The following PTPN9 variants were observed in gnomAD, a reference collection of about 807,000 sequenced individuals.
PTPN9 encodes tyrosine-protein phosphatase non-receptor type 9.
PTPN9 carries 26 observed loss-of-function variants against 69.8 expected under a neutral mutation model. The observed-to-expected ratio is 0.37, with a 90% CI of 0.27 to 0.52. The LOEUF (loss-of-function observed/expected upper bound fraction) is 0.52. Ranked by LOEUF, PTPN9 falls within the 20% of genes least tolerant of loss-of-function variation. The probability of loss-of-function intolerance (pLI) is 0.91; values close to 1 mark genes in which losing one functional copy is unlikely to be tolerated. For synonymous variants in PTPN9, 274 were observed against 272.5 expected (o/e 1.01, Z -0.05); for missense variants, 549 against 740.3 (o/e 0.74, Z 3.00).
At chr15:75,507,121 T>G (rs1263863290) in intron 6 of PTPN9, among the ~76,000 whole-genome samples, 1 of 152,220 alleles carries the variant, frequency 6.6e-6, no homozygotes, top group East Asian at 1.9e-4. Context: ...AGAACTTGCC[T>G]ATGGATTCCT....
At chr15:75,570,033 A>C (rs1457760532) in intron 1 of PTPN9, among the ~76,000 whole-genome samples, 1 of 151,934 alleles carries the variant, frequency 6.6e-6, no homozygotes, top group Non-Finnish European at 1.5e-5. Flanking sequence ...GTTGGCCAGG[A>C]TGGTCTTGAT....
chr15:75,561,681 T>G (rs1411470838), intron 1 of PTPN9, among the ~76,000 whole-genome samples: 1 of 152,070 alleles, frequency 6.6e-6, no homozygotes, highest in African/African-American at 2.4e-5. Flanking sequence ...TGTGCCACCA[T>G]GCCCGGCTAA....
At chr15:75,519,449 G>A (rs780187037) in intron 4 of PTPN9, among the ~76,000 whole-genome samples, 8 of 151,736 alleles carry the variant, frequency 5.3e-5, no homozygotes, top group Non-Finnish European at 1.2e-4. Context: ...AGCACCTCCT[G>A]GGAACCTCCA....
chr15:75,503,325 G>A (rs867739385), intron 7 of PTPN9, among the ~76,000 whole-genome samples: 32 of 141,380 alleles, frequency 2.3e-4, no homozygotes, highest in Middle Eastern at 8.8e-3. Context: ...CTGCCCGGTC[G>A]CGACCCCGTC....
At chr15:75,473,346 T>A (rs2141287545) in intron 10 of PTPN9, among the ~76,000 whole-genome samples, 1 of 152,212 alleles carries the variant, frequency 6.6e-6, no homozygotes, top group East Asian at 1.9e-4. Flanking sequence ...GCCTCCTGGG[T>A]TCAAGTGATT....
At chr15:75,568,099 A>C (rs2075134108) in intron 1 of PTPN9, among the ~76,000 whole-genome samples, 1 of 152,146 alleles carries the variant, frequency 6.6e-6, no homozygotes, top group Admixed American at 6.6e-5. Context: ...ACCATTTTAT[A>C]GTTTGGACCT....
chr15:75,505,059 G>A (rs920422790), intron 7 of PTPN9, among the ~76,000 whole-genome samples: 1 of 152,212 alleles, frequency 6.6e-6, no homozygotes, highest in African/African-American at 2.4e-5. Context: ...TCGGATGGTT[G>A]CCGTGTCTGT....
chr15:75,548,545 C>T (rs1263940567), intron 1 of PTPN9, among the ~76,000 whole-genome samples: 3 of 151,680 alleles, frequency 2.0e-5, no homozygotes, highest in Non-Finnish European at 2.9e-5. Context: ...TGAACCACCA[C>T]GCCCAGACTA....
chr15:75,517,178 T>C, intron 5 of PTPN9, 81 bp downstream of exon 5: 1 of 1,066,190 alleles, frequency 9.4e-7, no homozygotes. Context: ...GCATCTTTCC[T>C]AAATCTTTTC....
At chr15:75,547,693 C>G (rs569636962) in intron 1 of PTPN9, among the ~76,000 whole-genome samples, 2 of 150,170 alleles carry the variant, frequency 1.3e-5, no homozygotes, top group Non-Finnish European at 3.0e-5. Flanking sequence ...TGAGACGAAG[C>G]CTCGCTCTGT....
intron 1 of PTPN9, among the ~76,000 whole-genome samples, chr15:75,568,931 T>C (rs1595973025): frequency 6.6e-6 from 1 of 152,170 alleles, no homozygotes; most frequent in Non-Finnish European, 1.5e-5. Context: ...ATAAAAGGGC[T>C]GATGCCAGGC....
chr15:75,539,502 T>A (rs983945478), intron 1 of PTPN9, among the ~76,000 whole-genome samples: 5 of 149,344 alleles, frequency 3.3e-5, no homozygotes, highest in African/African-American at 1.2e-4. Context: ...GAGACGGGGT[T>A]TCACTACGTT....
At chr15:75,513,121 A>G in intron 5 of PTPN9, 1 of 381,432 alleles carries the variant, frequency 2.6e-6, no homozygotes, top group Non-Finnish European at 5.1e-6. Context: ...TGCAGCAGGT[A>G]CCCCCAGACA....
At chr15:75,478,185 A>C (rs1252443291) in intron 9 of PTPN9, among the ~76,000 whole-genome samples, 3 of 148,246 alleles carry the variant, frequency 2.0e-5, no homozygotes, top group Non-Finnish European at 4.4e-5. Context: ...TGCTCGCTGC[A>C]ACCTCCGCCT....
intron 1 of PTPN9, among the ~76,000 whole-genome samples, chr15:75,559,354 A>G (rs1485579040): frequency 1.3e-5 from 2 of 152,208 alleles, no homozygotes; most frequent in Non-Finnish European, 2.9e-5. Flanking sequence ...GGGAAAAGAT[A>G]GAGAAATCAG....
At chr15:75,481,811 G>A (rs193249576) in intron 8 of PTPN9, among the ~76,000 whole-genome samples, 38 of 109,942 alleles carry the variant, frequency 3.5e-4, no homozygotes, top group South Asian at 8.0e-4. Context: ...CCGGCCAGCC[G>A]CCCCGTCCGG....
intron 7 of PTPN9, among the ~76,000 whole-genome samples, chr15:75,497,226 A>C (rs1256515496): frequency 2.6e-5 from 4 of 152,200 alleles, no homozygotes; most frequent in African/African-American, 9.6e-5. Context: ...ACAGTGGCTC[A>C]TGCCTAAAAT....
At chr15:75,503,109 G>A (rs894997427) in intron 7 of PTPN9, among the ~76,000 whole-genome samples, 36 of 151,276 alleles carry the variant, frequency 2.4e-4, no homozygotes, top group African/African-American at 8.5e-4. Flanking sequence ...CGTCTGGGAC[G>A]TGAGGAGCCC....
At chr15:75,481,831 G>T (rs184508788) in intron 8 of PTPN9, among the ~76,000 whole-genome samples, 4 of 121,052 alleles carry the variant, frequency 3.3e-5, no homozygotes, top group Admixed American at 2.5e-4. Context: ...GGAGGGAGGT[G>T]GGGGGGGGTC....
Sources: allele counts gnomAD v4.1 joint callset (sites outside exome capture counted in the v4.1 genomes callset), GRCh38; gene constraint gnomAD v4.1.1; transcripts MANE v1.5; gene names NCBI Gene and HGNC (gene_info 2026-07-23, HGNC 2026-07-21).